The following ITGA9 variants were observed in gnomAD, a reference collection of about 807,000 sequenced individuals.
ITGA9 encodes the protein integrin subunit alpha 9, also known as integrin alpha-9.
In ITGA9, 56 loss-of-function variants were observed where a neutral mutation model predicts 127.8. That is an observed-to-expected ratio of 0.44 (90% confidence interval 0.35 to 0.55). The LOEUF (loss-of-function observed/expected upper bound fraction) is 0.55, where lower values mean the gene tolerates loss of function less well. ITGA9 is among the 20% of genes least tolerant of loss of function. ITGA9 has a pLI of 0.00. For missense variants in ITGA9, 1,196 were observed against 1,347.1 expected (o/e 0.89, Z 1.76); for synonymous variants, 508 against 514.5 (o/e 0.99, Z 0.17).
At chr3:37,642,175 G>A (rs1292068084) in intron 16 of ITGA9, among the ~76,000 whole-genome samples, 1 of 152,034 alleles carries the variant, frequency 6.6e-6, no homozygotes, top group Non-Finnish European at 1.5e-5. Flanking sequence ...TGAACTCCTA[G>A]GCTCAAGGAA....
At chr3:37,653,357 G>C (rs747611533) in intron 16 of ITGA9, among the ~76,000 whole-genome samples, 6 of 152,096 alleles carry the variant, frequency 3.9e-5, no homozygotes, top group Non-Finnish European at 5.9e-5. Context: ...TACTCAACTG[G>C]ATTATCATTC....
At chr3:37,551,919 A>G (rs944055150) in intron 15 of ITGA9, among the ~76,000 whole-genome samples, 2 of 152,242 alleles carry the variant, frequency 1.3e-5, no homozygotes, top group African/African-American at 4.8e-5. Flanking sequence ...ACACAGCCAC[A>G]CTATGTTTTC....
At chr3:37,763,809 A>G (rs1466896611) in intron 23 of ITGA9, among the ~76,000 whole-genome samples, 1 of 152,174 alleles carries the variant, frequency 6.6e-6, no homozygotes, top group East Asian at 1.9e-4. Flanking sequence ...CCCCATCATG[A>G]ACACATGCTT....
intron 15 of ITGA9, among the ~76,000 whole-genome samples, chr3:37,592,539 G>A (rs1213488651): frequency 2.0e-5 from 3 of 152,174 alleles, no homozygotes; most frequent in East Asian, 1.9e-4. Context: ...GGCCACAGCC[G>A]GCCTCAGAGG....
chr3:37,819,068 ATCT>A lies in ITGA9; in HGVS notation c.*83_*85del, dbSNP rs1273248607. ...TATCTTCCATATTTGGAAGAAAAAAATCTTCTCCAGATTTTTCGGAGGCCCCAC... is the reference window on the plus strand; with the variant it reads ...TATCTTCCATATTTGGAAGAAAAAAATCTCCAGATTTTTCGGAGGCCCCAC... On this transcript the variant is annotated 3_prime_UTR_variant, in exon 28 of 28. Transcript: ENST00000264741. 14 of 1,128,274 alleles carry A rather than the reference ATCT, an allele frequency of 1.2e-5. No individual in the cohort carries two copies. Among genetic ancestry groups the A allele is most frequent in the Non-Finnish European group, 1.9e-5 (14 of 747,374 alleles). 69.9% of individuals were successfully genotyped at this position (1,128,274 alleles called of 1,614,324 possible).
intron 16 of ITGA9, among the ~76,000 whole-genome samples, chr3:37,649,809 A>G (rs920925565): frequency 6.6e-6 from 1 of 152,256 alleles, no homozygotes; most frequent in African/African-American, 2.4e-5. Flanking sequence ...GATAGATCAC[A>G]TATTAGGTCA....
At chr3:37,559,959 TTTAAAA>T (rs1332218760) in intron 15 of ITGA9, among the ~76,000 whole-genome samples, 1 of 152,248 alleles carries the variant, frequency 6.6e-6, no homozygotes, top group East Asian at 1.9e-4. Context: ...TTTCCTTTTT[TTTAAAA>T]TTATGCTTTA....
chr3:37,543,292 C>T (rs9882723), intron 15 of ITGA9, among the ~76,000 whole-genome samples: 5,481 of 152,092 alleles, frequency 0.036, 313 homozygotes, highest in African/African-American at 0.12. Flanking sequence ...GGTCAGAGAG[C>T]GGAGGAGGTG....
chr3:37,794,963 C>T (rs546544530), intron 26 of ITGA9, among the ~76,000 whole-genome samples: 2 of 152,314 alleles, frequency 1.3e-5, no homozygotes, highest in African/African-American at 4.8e-5. Context: ...AGGCATGGTT[C>T]TGCTGAAAAC....
At chr3:37,690,544 A>G (rs1022634426) in intron 18 of ITGA9, among the ~76,000 whole-genome samples, 16 of 152,176 alleles carry the variant, frequency 1.1e-4, no homozygotes, top group Admixed American at 8.5e-4. Context: ...TCTTCATGGT[A>G]TTGACTGTTA....
intron 23 of ITGA9, among the ~76,000 whole-genome samples, chr3:37,765,943 C>CG (rs1209495383): frequency 6.6e-6 from 1 of 152,164 alleles, no homozygotes; most frequent in African/African-American, 2.4e-5. Flanking sequence ...AGTTGAATGC[C>CG]GATGCGTAGG....
chr3:37,632,358 C>T (rs993204227), intron 16 of ITGA9, among the ~76,000 whole-genome samples: 3 of 151,936 alleles, frequency 2.0e-5, no homozygotes, highest in Admixed American at 2.0e-4. Flanking sequence ...ATTTGCAGCA[C>T]CAAAAACTCA....
intron 15 of ITGA9, among the ~76,000 whole-genome samples, chr3:37,552,692 T>TAC (rs1028603361): frequency 2.6e-5 from 4 of 152,180 alleles, no homozygotes; most frequent in African/African-American, 7.2e-5. Context: ...CTGTGTATGT[T>TAC]ACACACACAC....
intron 18 of ITGA9, among the ~76,000 whole-genome samples, chr3:37,728,132 TA>T (rs1696237855): frequency 6.6e-6 from 1 of 152,204 alleles, no homozygotes; most frequent in Non-Finnish European, 1.5e-5. Context: ...TGATAAATGC[TA>T]ATGTTAAGTT....
At chr3:37,610,977 A>T (rs979170465) in intron 15 of ITGA9, among the ~76,000 whole-genome samples, 1 of 152,372 alleles carries the variant, frequency 6.6e-6, no homozygotes, top group East Asian at 1.9e-4. Context: ...AGATCTGAAA[A>T]GAAAAACAGT....
At chr3:37,487,538 C>T (rs1266543687) in intron 4 of ITGA9, among the ~76,000 whole-genome samples, 2 of 152,210 alleles carry the variant, frequency 1.3e-5, no homozygotes, top group Non-Finnish European at 2.9e-5. Context: ...TTCACAGATT[C>T]AGATTCACCT....
chr3:37,472,238 G>A (rs1417687135), intron 2 of ITGA9, among the ~76,000 whole-genome samples: 1 of 152,172 alleles, frequency 6.6e-6, no homozygotes. Flanking sequence ...ACCTCGCAAG[G>A]ATGGTCTTGA....
intron 5 of ITGA9, among the ~76,000 whole-genome samples, chr3:37,502,917 G>A (rs556833392): frequency 1.3e-5 from 2 of 152,306 alleles, no homozygotes; most frequent in South Asian, 2.1e-4. Context: ...GTCTCATCGT[G>A]GATAGAATAG....
At chr3:37,613,350 A>G (rs532190375) in intron 15 of ITGA9, among the ~76,000 whole-genome samples, 3 of 152,198 alleles carry the variant, frequency 2.0e-5, no homozygotes, top group South Asian at 4.2e-4. Flanking sequence ...CATTTTCTTA[A>G]TCCAGTCTAT....
Sources: allele counts gnomAD v4.1 joint callset (sites outside exome capture counted in the v4.1 genomes callset), GRCh38; gene constraint gnomAD v4.1.1; transcripts MANE v1.5; gene names NCBI Gene and HGNC (gene_info 2026-07-23, HGNC 2026-07-21).